The following USP39 variants were observed in gnomAD, a reference collection of about 807,000 sequenced individuals.
USP39 encodes ubiquitin specific peptidase 39, also known as ubiquitin carboxyl-terminal hydrolase 39.
In USP39, 38 loss-of-function variants were observed where a neutral mutation model predicts 66.4. That is an observed-to-expected ratio of 0.57 (90% CI 0.44 to 0.75). USP39 has a LOEUF of 0.75. Ranked by LOEUF, USP39 falls within the 30% of genes least tolerant of loss-of-function variation. The pLI, the probability that USP39 is intolerant of heterozygous loss-of-function variation, is 0.00. For missense variants in USP39, 608 were observed against 714.4 expected, an observed-to-expected ratio of 0.85 and a Z score of 1.70; for synonymous variants, 303 against 274.6, an observed-to-expected ratio of 1.10 and a Z score of -1.02.
chr2:85,607,592 A>C (rs967404331), upstream of USP39: 1 of 152,194 alleles, frequency 6.6e-6, no homozygotes, highest in Non-Finnish European at 1.5e-5. Context: ...CATTTTAATG[A>C]CAAGATTGAA....
At position 85,630,964 on chromosome 2, in the gene USP39, A is replaced by G. The variant is rs1675277489; in HGVS notation, c.949+18A>G. ...CAAACAAGGTAAGAACAAGTCATTC[A>G]TGTTTCAGGACAACAAAACTAGTTT... is the stretch of plus-strand genomic sequence containing the variant. On this transcript the variant is annotated intron_variant, in intron 6 of 12. Coordinates refer to ENST00000323701, the MANE Select transcript of USP39 (RefSeq NM_006590.4). 1 of 1,606,408 alleles carries G rather than the reference A, an allele frequency of 6.2e-7. No homozygotes were observed. The highest frequency in any genetic ancestry group is 1.3e-5 in the African/African-American group (1 of 74,720).
intron 5 of USP39, among the ~76,000 whole-genome samples, chr2:85,625,917 C>T (rs1375784531): frequency 6.6e-6 from 1 of 151,796 alleles, no homozygotes; most frequent in South Asian, 2.1e-4. Flanking sequence ...ATTTGGCAGG[C>T]TGAGGTGGGA....
chr2:85,611,791 G>A (rs1275858097), upstream of USP39: 4 of 1,611,016 alleles, frequency 2.5e-6, no homozygotes, highest in Non-Finnish European at 3.4e-6. Flanking sequence ...TCGTCCCTGC[G>A]GGGAGCCGAG....
intron 11 of USP39, among the ~76,000 whole-genome samples, chr2:85,647,341 T>C (rs1465795739): frequency 6.6e-6 from 1 of 152,160 alleles, no homozygotes; most frequent in Non-Finnish European, 1.5e-5. Context: ...ACTAAATTCC[T>C]TTTAAAAAGA....
intron 1 of USP39, among the ~76,000 whole-genome samples, chr2:85,604,012 T>A (rs1673117168): frequency 6.6e-6 from 1 of 152,166 alleles, no homozygotes; most frequent in South Asian, 2.1e-4. Flanking sequence ...TGACAGATCA[T>A]CACCTGAATG....
chr2:85,612,083 C>A, upstream of USP39: 1 of 1,035,670 alleles, frequency 9.7e-7, no homozygotes, highest in Non-Finnish European at 1.3e-6. Context: ...CTTCCGGCCC[C>A]GCATCCTGAC....
Position 85,639,247 on chromosome 2 carries a change from G to T in USP39, c.1140G>T (p.Gln380His). The change falls in exon 9 of 13, where the codon CAG (glutamine) becomes CAT (histidine). Residue 380 changes from glutamine to histidine, a missense_variant. By Grantham distance (24) the Gln-to-His change is conservative. Coordinates refer to ENST00000323701, the MANE Select transcript of USP39 (RefSeq NM_006590.4). ...AGTTGCTCCATAATGACGAGTACCA[G>T]GAGACAATGGTGGAGTCCACTTTTA... The part of the protein sequence containing the change: ...KEQLLHNDEY[Q>H]ETMVESTFMY... 6.2e-7 allele frequency: 1 copy of T among 1,613,840 alleles called. No individual in the cohort carries two copies.
chr2:85,612,682 A>ATTTTT (rs1673641611), upstream of USP39, among the ~76,000 whole-genome samples: 1 of 151,056 alleles, frequency 6.6e-6, no homozygotes, highest in African/African-American at 2.4e-5. Flanking sequence ...TCTTTTTGAG[A>ATTTTT]AGGAGTCTCA....
At chr2:85,636,413 C>G (rs1029927725) in intron 7 of USP39, among the ~76,000 whole-genome samples, 2 of 152,122 alleles carry the variant, frequency 1.3e-5, no homozygotes, top group Non-Finnish European at 2.9e-5. Flanking sequence ...CTGGGGTAGG[C>G]TAGTATCTAT....
At position 85,616,550 on chromosome 2, in the gene USP39, C is replaced by G; in HGVS notation, c.268+87C>G. On this transcript the variant is annotated intron_variant, in intron 1 of 12. Coordinates refer to ENST00000323701, the MANE Select transcript of USP39 (RefSeq NM_006590.4). Reference sequence around the variant, plus strand: ...TCTCTAATCTTCCGCTAGGTCACTGCGCCGGAGTTGGGGGAGGGGTGGGGT... The same window carrying G: ...TCTCTAATCTTCCGCTAGGTCACTGGGCCGGAGTTGGGGGAGGGGTGGGGT... 5 of 576,802 alleles carry G rather than the reference C, an allele frequency of 8.7e-6. No homozygotes were observed. In the South Asian group the frequency reaches 1.2e-4, roughly 14 times the overall value. The allele number at this position is 576,802 out of a possible 1,614,324, so 35.7% of individuals were successfully genotyped here. A position where few individuals can be genotyped will look rare whatever the true frequency, so the allele number is the denominator to read the frequency against.
upstream of USP39, chr2:85,608,881 A>G: frequency 1.9e-6 from 3 of 1,593,902 alleles, no homozygotes; most frequent in Non-Finnish European, 2.6e-6. Context: ...CCCACACTAA[A>G]TTCCCTGGGC....
Position 85,639,368 on chromosome 2 carries a change from A to G in USP39, c.1261A>G (p.Lys421Glu), listed in dbSNP as rs1338509718. 6.2e-7 allele frequency: 1 copy of G among 1,613,926 alleles called. No individual in the cohort carries two copies. The highest frequency in any genetic ancestry group is 1.1e-5 in the South Asian group (1 of 91,066). ...PQVPLFNILA[K>E]FNGITEKEYK... ...AGTGCCACTCTTCAACATCCTGGCT[A>G]AGTTCAATGGCATCACTGAGAAGGT... The change falls in exon 9 of 13, where the codon AAG (lysine) becomes GAG (glutamate). Residue 421 changes from lysine (K) to glutamate (E), a missense_variant. Around this residue, in one of 6 missense-constraint regions of USP39, gnomAD observed 164 missense variants for 250.3 expected, o/e 0.66. Coordinates refer to ENST00000323701, the MANE Select transcript of USP39 (RefSeq NM_006590.4).
chr2:85,633,713 G>A (rs2104309874), intron 6 of USP39, among the ~76,000 whole-genome samples: 1 of 152,120 alleles, frequency 6.6e-6, no homozygotes, highest in South Asian at 2.1e-4. Context: ...GCTTCAGTGA[G>A]CCATGTTGGT....
chr2:85,611,438 T>C, upstream of USP39: 1 of 1,526,950 alleles, frequency 6.5e-7, no homozygotes, highest in Non-Finnish European at 8.8e-7. Flanking sequence ...ATAAACTTCT[T>C]GCTGGCTCCC....
intron 5 of USP39, among the ~76,000 whole-genome samples, chr2:85,629,595 C>G (rs1675167069): frequency 6.7e-6 from 1 of 148,564 alleles, no homozygotes; most frequent in Admixed American, 6.8e-5. Flanking sequence ...CTCCCGGGTT[C>G]AAGTGATTCT....
chr2:85,608,749 T>C (rs1023650571), upstream of USP39: 59 of 265,514 alleles, frequency 2.2e-4, no homozygotes, highest in Admixed American at 3.9e-4. Flanking sequence ...AATATCAGGC[T>C]GGGCAAATGG....
chr2:85,621,323 G>A (rs1674445952), intron 2 of USP39, 162 bp from the exon 3 acceptor site: 2 of 589,994 alleles, frequency 3.4e-6, no homozygotes, highest in Non-Finnish European at 6.0e-6. Flanking sequence ...CATGGCGGGT[G>A]GAGGTGAGGA....
upstream of USP39, chr2:85,609,101 T>A: frequency 6.2e-7 from 1 of 1,609,348 alleles, no homozygotes; most frequent in Non-Finnish European, 8.5e-7. Context: ...GCTCAGGGCC[T>A]GGCCTCTTCC....
intron 12 of USP39, 127 bp from the exon 13 acceptor site, chr2:85,648,634 A>G (rs1390826254): frequency 6.4e-6 from 7 of 1,101,344 alleles, no homozygotes; most frequent in Non-Finnish European, 9.6e-6. Context: ...CAGATTTCCA[A>G]ATGGGGTATA....
Sources: allele counts gnomAD v4.1 joint callset (sites outside exome capture counted in the v4.1 genomes callset), GRCh38; gene constraint gnomAD v4.1.1; regional missense constraint gnomAD v4.1.1; transcripts MANE v1.5; gene names NCBI Gene and HGNC (gene_info 2026-07-23, HGNC 2026-07-21).